The following PAICS variants were observed in gnomAD, a reference collection of about 807,000 sequenced individuals.
PAICS encodes bifunctional phosphoribosylaminoimidazole carboxylase/phosphoribosylaminoimidazole succinocarboxamide synthetase.
In PAICS, 33 loss-of-function variants were observed where a neutral mutation model predicts 53.7. The ratio of observed to expected loss-of-function variants is 0.61; its 90% confidence interval spans 0.47 to 0.82. PAICS has a LOEUF of 0.82. Among genes scored for constraint, PAICS ranks in the 40% least tolerant of loss-of-function variants. The pLI is 0.00. For missense variants in PAICS, 394 were observed against 494.1 expected (o/e 0.80, Z 1.92); for synonymous variants, 141 against 167.2 (o/e 0.84, Z 1.21).
At position 56,448,533 on chromosome 4, in the gene PAICS, A is replaced by G; in HGVS notation, c.509A>G (p.Gln170Arg). 1 of 1,611,490 alleles carries G rather than the reference A, an allele frequency of 6.2e-7. No homozygotes were observed. Residue 170 changes from glutamine (Q) to arginine (R), a missense_variant, in exon 4 of 9, where the codon CAG becomes CGG. Gln to Arg is a conservative substitution (Grantham distance 43). Around this residue, in one of 3 missense-constraint regions of PAICS, gnomAD observed 168 missense variants for 199.3 expected, o/e 0.84. Coordinates refer to ENST00000512576, the MANE Select transcript of PAICS (RefSeq NM_001079524.2). ...TEVDIMSHAT[Q>R]AIFEILEKSW... Reference sequence around the variant, plus strand: ...GTGGATATCATGAGTCATGCTACACAGGCTATATTTGAAATACTGGAGAAA... The same window carrying G: ...GTGGATATCATGAGTCATGCTACACGGGCTATATTTGAAATACTGGAGAAA...
chr4:56,413,703 C>A, the PAICS span, among the ~76,000 whole-genome samples: 2 of 151,904 alleles, frequency 1.3e-5, no homozygotes, highest in African/African-American at 4.8e-5. Context: ...CAAGACCAGC[C>A]TGACCAACAT....
intron 8 of PAICS, among the ~76,000 whole-genome samples, chr4:56,457,661 A>C (rs1408253332): frequency 7.5e-6 from 1 of 132,978 alleles, no homozygotes; most frequent in African/African-American, 2.9e-5. Flanking sequence ...TTTAGAATTA[A>C]GTTTTTTTTT....
chr4:56,445,962 C>G (rs1052000621), intron 2 of PAICS, among the ~76,000 whole-genome samples: 16 of 152,112 alleles, frequency 1.1e-4, no homozygotes, highest in South Asian at 2.1e-4. Flanking sequence ...GTTGGAAATC[C>G]TGCTATACCT....
At chr4:56,435,442 A>G, upstream of PAICS, 1 of 1,613,722 alleles carries the variant, frequency 6.2e-7, no homozygotes, top group Non-Finnish European at 8.5e-7. Flanking sequence ...CGAACACGCC[A>G]CATTCCTCTC....
At chr4:56,446,236 A>G (rs1387530027) in intron 2 of PAICS, 2 of 600,582 alleles carry the variant, frequency 3.3e-6, no homozygotes, top group African/African-American at 3.6e-5. Flanking sequence ...CCCATTATCC[A>G]TTTCCAGAAC....
intron 2 of PAICS, among the ~76,000 whole-genome samples, chr4:56,446,044 A>C (rs772418873): frequency 6.6e-6 from 1 of 152,148 alleles, no homozygotes. Context: ...TATCTTATCA[A>C]ATGTTATGAG....
At chr4:56,423,477 T>G in the PAICS span, 1 of 151,912 alleles carries the variant, frequency 6.6e-6, no homozygotes, top group Admixed American at 6.6e-5. Context: ...AAATAAAATT[T>G]TAAAAAATAA....
At chr4:56,435,367 G>C (rs754936603), upstream of PAICS, 7 of 1,609,946 alleles carry the variant, frequency 4.3e-6, no homozygotes, top group Non-Finnish European at 5.9e-6. Flanking sequence ...GCAGCCCCAC[G>C]AGTCCCAGAG....
upstream of PAICS, among the ~76,000 whole-genome samples, chr4:56,431,016 G>C (rs1717555190): frequency 6.6e-6 from 1 of 151,918 alleles, no homozygotes; most frequent in African/African-American, 2.4e-5. Flanking sequence ...GTTATAAATG[G>C]AAGGATTGAA....
intron 1 of PAICS, among the ~76,000 whole-genome samples, chr4:56,437,810 ACT>A (rs1402409396): frequency 3.1e-4 from 37 of 117,558 alleles, no homozygotes; most frequent in Middle Eastern, 6.3e-3. Context: ...ACAGAGAGAG[ACT>A]CTGTCTCAAA....
rs1461212284 is a variant in PAICS, at chr4:56,462,935, G to A, written c.*3397G>A. On this transcript the variant is annotated 3_prime_UTR_variant, in exon 9 of 9. Coordinates refer to ENST00000512576, the MANE Select transcript of PAICS (RefSeq NM_001079524.2). ...GAATCGCTTGAACCTGGGAAGCGGA[G>A]GTTGTGGTGAGCCGAGGTTGCGCCA... The A allele has an allele frequency of 1.3e-5, 2 of 152,262 alleles. No homozygotes were observed. Among genetic ancestry groups the A allele is most frequent in the Non-Finnish European group, 2.9e-5 (2 of 68,104 alleles). The allele number at this position is 152,262 out of a possible 1,614,324, so 9.4% of individuals were successfully genotyped here. A position where few individuals can be genotyped will look rare whatever the true frequency, so the allele number is the denominator to read the frequency against.
At chr4:56,440,772 G>A (rs1214162816) in intron 1 of PAICS, among the ~76,000 whole-genome samples, 2 of 152,140 alleles carry the variant, frequency 1.3e-5, no homozygotes, top group East Asian at 1.9e-4. Flanking sequence ...CAGGTCTCTT[G>A]AGAGCAGGAA....
chr4:56,413,645 C>T, the PAICS span, among the ~76,000 whole-genome samples: 1 of 152,084 alleles, frequency 6.6e-6, no homozygotes, highest in East Asian at 1.9e-4. Flanking sequence ...CCTGTAATCC[C>T]AGCACTTTGG....
chr4:56,456,707 T>G (rs1200422669), intron 8 of PAICS, among the ~76,000 whole-genome samples: 5 of 68,682 alleles, frequency 7.3e-5, no homozygotes, highest in East Asian at 7.1e-4. Flanking sequence ...GCCTCTGGGG[T>G]TTTTTTTTTT....
upstream of PAICS, among the ~76,000 whole-genome samples, chr4:56,430,836 C>G (rs996505970): frequency 6.6e-6 from 1 of 151,572 alleles, no homozygotes; most frequent in African/African-American, 2.4e-5. Context: ...GAAGACTTGC[C>G]CAAGATTAAA....
In PAICS at chr4:56,459,525, A is replaced by C; in HGVS notation, c.1265A>C (p.Glu422Ala). The change falls in exon 9 of 9, where the codon GAA becomes GCA. Residue 422 changes from glutamate to alanine, a missense_variant. Transcript: ENST00000512576. ...SLKQADKKIR[E>A]CNL ...AAGCAGGCTGACAAGAAAATCAGAG[A>C]ATGTAATTTATAAGAAAGAATGCCA... 6.4e-7 allele frequency: 1 copy of C among 1,552,494 alleles called. No homozygotes were observed. The highest frequency in any genetic ancestry group is 1.2e-5 in the South Asian group (1 of 83,834).
At chr4:56,446,914 C>T (rs139826531) in intron 3 of PAICS, 41 bp downstream of exon 3, 12,550 of 1,188,976 alleles carry the variant, frequency 0.011, 106 homozygotes, top group Middle Eastern at 0.021. Context: ...TACTGTAACA[C>T]GGCAATAAAT....
Position 56,441,761 on chromosome 4 carries a change from A to G in PAICS, c.115A>G (p.Ile39Val), listed in dbSNP as rs1450601608. ...AGTCCTCCTGCAGTCCAAGGACCAG[A>G]TTACAGCAGGAAATGCAGCTAGAAA... is the stretch of plus-strand genomic sequence containing the variant. Reference protein sequence around the residue: ...GKVLLQSKDQITAGNAARKNH... With the variant: ...GKVLLQSKDQVTAGNAARKNH... The change falls in exon 2 of 9, where the codon ATT (isoleucine) becomes GTT (valine). Residue 39 changes from isoleucine to valine, a missense_variant. Ile to Val is a conservative substitution (Grantham distance 29). This residue lies in a region of PAICS where 168 missense variants were observed against 199.3 expected (regional missense o/e 0.84). Coordinates refer to ENST00000512576, the MANE Select transcript of PAICS (RefSeq NM_001079524.2). The G allele has an allele frequency of 1.9e-6, 3 of 1,605,496 alleles. No individual in the cohort carries two copies. The highest frequency in any genetic ancestry group is 2.6e-6 in the Non-Finnish European group (3 of 1,175,354).
the PAICS span, among the ~76,000 whole-genome samples, chr4:56,426,165 G>A: frequency 5.9e-5 from 9 of 152,170 alleles, no homozygotes; most frequent in Non-Finnish European, 1.0e-4. Context: ...CACTGTGGGA[G>A]GCCAAGGCAG....
Sources: allele counts gnomAD v4.1 joint callset (sites outside exome capture counted in the v4.1 genomes callset), GRCh38; gene constraint gnomAD v4.1.1; regional missense constraint gnomAD v4.1.1; transcripts MANE v1.5; gene names NCBI Gene and HGNC (gene_info 2026-07-23, HGNC 2026-07-21).